Variants in HTR4 observed in about 807,000 individuals in gnomAD.
HTR4 encodes the protein 5-hydroxytryptamine receptor 4, also known as 5-hydroxytryptamine (serotonin) receptor 4, G protein-coupled.
In HTR4, 16 loss-of-function variants were observed where a neutral mutation model predicts 36.8. The observed-to-expected ratio is 0.43, with a 90% CI of 0.29 to 0.66. HTR4 has a LOEUF of 0.66. HTR4 is among the 30% of genes least tolerant of loss of function. The pLI is 0.13. For missense variants in HTR4, 438 were observed against 490.9 expected (o/e 0.89, Z 1.02); for synonymous variants, 189 against 185.1 (o/e 1.02, Z -0.17).
In HTR4 at chr5:148,654,195, C is replaced by T. The variant is rs958469955; in HGVS notation, c.-181G>A. ...GCCTGCGCCCTCCCTGCCGCCCCCT[C>T]GGGTGCGGGCTCCAGCCCCCGCGCT... On this transcript the variant is annotated 5_prime_UTR_variant, in exon 1 of 7. Transcript: ENST00000377888. 3.5e-5 allele frequency: 34 copies of T among 985,266 alleles called. No homozygotes were observed. The highest frequency in any genetic ancestry group is 4.0e-5 in the Non-Finnish European group (33 of 829,920). 61.0% of individuals were successfully genotyped at this position (985,266 alleles called of 1,614,324 possible).
At chr5:148,547,410 T>C (rs987524585) in intron 4 of HTR4, among the ~76,000 whole-genome samples, 1 of 151,908 alleles carries the variant, frequency 6.6e-6, no homozygotes, top group Admixed American at 6.6e-5. Context: ...TCCCAGCTAC[T>C]CAGGAGGCTG....
At chr5:148,466,006 A>G in intron 5 of HTR4, 2 of 1,572,006 alleles carry the variant, frequency 1.3e-6, no homozygotes, top group South Asian at 2.4e-5. Context: ...AAAAAAACAT[A>G]GAGATTAGTA....
chr5:148,597,619 G>T (rs1024945794), intron 2 of HTR4, among the ~76,000 whole-genome samples: 2 of 152,064 alleles, frequency 1.3e-5, no homozygotes, highest in South Asian at 4.2e-4. Flanking sequence ...CCTTTGCACT[G>T]CTCTTTTCAC....
At chr5:148,549,169 T>A (rs1759551384) in intron 3 of HTR4, among the ~76,000 whole-genome samples, 1 of 152,266 alleles carries the variant, frequency 6.6e-6, no homozygotes, top group African/African-American at 2.4e-5. Context: ...AATCTGAGTT[T>A]CCCTGCACAT....
At chr5:148,600,867 C>T (rs1019676334) in intron 2 of HTR4, among the ~76,000 whole-genome samples, 8 of 146,570 alleles carry the variant, frequency 5.5e-5, no homozygotes, top group African/African-American at 7.5e-5. Context: ...AAATAAATAG[C>T]CAAATAAATG....
At chr5:148,564,360 C>T (rs1389654015) in intron 2 of HTR4, among the ~76,000 whole-genome samples, 1 of 152,154 alleles carries the variant, frequency 6.6e-6, no homozygotes, top group Non-Finnish European at 1.5e-5. Context: ...GTATATGCTT[C>T]CATTGTACCC....
At chr5:148,458,054 A>G (rs1755158879) in intron 5 of HTR4, among the ~76,000 whole-genome samples, 1 of 136,382 alleles carries the variant, frequency 7.3e-6, no homozygotes, top group Non-Finnish European at 1.6e-5. Context: ...AAAATATATT[A>G]TATTTTAAGA....
At chr5:148,636,615 C>A (rs1425447281) in intron 2 of HTR4, among the ~76,000 whole-genome samples, 3 of 152,096 alleles carry the variant, frequency 2.0e-5, no homozygotes, top group Non-Finnish European at 4.4e-5. Context: ...CAAACTAGAA[C>A]CTGCTATAAA....
intron 5 of HTR4, among the ~76,000 whole-genome samples, chr5:148,468,259 G>C (rs1009023593): frequency 1.4e-4 from 21 of 152,320 alleles, no homozygotes; most frequent in Middle Eastern, 3.4e-3. Flanking sequence ...GAAGAGGTCA[G>C]TAGAGACATG....
intron 5 of HTR4, among the ~76,000 whole-genome samples, chr5:148,471,135 C>T (rs1021110520): frequency 6.6e-6 from 1 of 152,208 alleles, no homozygotes; most frequent in African/African-American, 2.4e-5. Flanking sequence ...CCACACTACA[C>T]TGTCTCCGTG....
chr5:148,539,918 C>A (rs1165389280), intron 4 of HTR4, among the ~76,000 whole-genome samples: 1 of 152,036 alleles, frequency 6.6e-6, no homozygotes, highest in Non-Finnish European at 1.5e-5. Flanking sequence ...GACACATGCA[C>A]CCAAATGTTT....
intron 2 of HTR4, among the ~76,000 whole-genome samples, chr5:148,577,880 T>G (rs1290386736): frequency 1.3e-5 from 2 of 151,884 alleles, no homozygotes; most frequent in African/African-American, 4.8e-5. Context: ...TGGGTTTAAT[T>G]TCTGGGTGAT....
At chr5:148,513,994 C>T (rs555265447) in intron 5 of HTR4, among the ~76,000 whole-genome samples, 1 of 152,168 alleles carries the variant, frequency 6.6e-6, no homozygotes, top group South Asian at 2.1e-4. Context: ...TAGATATCAA[C>T]TAAAATTCAT....
intron 2 of HTR4, among the ~76,000 whole-genome samples, chr5:148,617,755 C>T (rs1752759155): frequency 6.6e-6 from 1 of 152,080 alleles, no homozygotes; most frequent in South Asian, 2.1e-4. Flanking sequence ...GCATGAGCCA[C>T]GGCGCCCAGC....
At chr5:148,627,559 T>C (rs1206422515) in intron 2 of HTR4, among the ~76,000 whole-genome samples, 2 of 152,252 alleles carry the variant, frequency 1.3e-5, no homozygotes, top group Non-Finnish European at 2.9e-5. Flanking sequence ...GTATGATTAG[T>C]ATTGAACATT....
chr5:148,478,742 G>C (rs1755785577), downstream of HTR4, among the ~76,000 whole-genome samples: 1 of 152,024 alleles, frequency 6.6e-6, no homozygotes, highest in Non-Finnish European at 1.5e-5. Context: ...AGGTAGATTT[G>C]TGTATGAAGA....
chr5:148,500,556 G>C (rs1020488537), intron 6 of HTR4, among the ~76,000 whole-genome samples: 1 of 151,940 alleles, frequency 6.6e-6, no homozygotes, highest in East Asian at 1.9e-4. Flanking sequence ...TAAGTCAAAA[G>C]TTAACCAAAG....
chr5:148,539,769 G>A (rs10477384), intron 4 of HTR4, among the ~76,000 whole-genome samples: 23,044 of 152,118 alleles, frequency 0.15, 3,112 homozygotes, highest in African/African-American at 0.35. Flanking sequence ...ATACACTGTT[G>A]GAGGGAATGT....
intron 1 of HTR4, among the ~76,000 whole-genome samples, chr5:148,640,871 T>C (rs1160249765): frequency 6.6e-6 from 1 of 152,240 alleles, no homozygotes; most frequent in Admixed American, 6.5e-5. Context: ...GAAAATCTTG[T>C]ATATTCATAG....
Sources: gnomAD v4.1 joint callset for allele counts (sites outside exome capture counted in the v4.1 genomes callset) on GRCh38, gnomAD v4.1.1 for gene constraint, MANE v1.5 for transcripts, NCBI Gene and HGNC (gene_info 2026-07-23, HGNC 2026-07-21) for gene names.